GRIP2: variants seen among roughly 807,000 people sequenced by gnomAD.
GRIP2 encodes glutamate receptor interacting protein 2.
Under a neutral mutation model 108.3 loss-of-function variants are expected in GRIP2, and 58 were observed. That is an observed-to-expected ratio of 0.54 (90% confidence interval 0.43 to 0.67). GRIP2 has a LOEUF of 0.67. GRIP2 is among the 30% of genes least tolerant of loss of function. The pLI is 0.00. For synonymous variants in GRIP2, 586 were observed against 598.2 expected, an observed-to-expected ratio of 0.98 and a Z score of 0.30; for missense variants, 1,278 against 1,430.6, an observed-to-expected ratio of 0.89 and a Z score of 1.72.
At chr3:14,574,064 G>A in the GRIP2 span, 1 of 1,502,706 alleles carries the variant, frequency 6.7e-7, no homozygotes, top group African/African-American at 1.4e-5. Flanking sequence ...GCACGTACTT[G>A]ACGTTCTCGT....
the GRIP2 span, among the ~76,000 whole-genome samples, chr3:14,596,197 G>A: frequency 3.3e-5 from 5 of 152,234 alleles, no homozygotes; most frequent in African/African-American, 9.6e-5. Context: ...AAGGCTCTGA[G>A]GTAGGAAGGA....
At chr3:14,594,213 C>T in the GRIP2 span, among the ~76,000 whole-genome samples, 1 of 152,232 alleles carries the variant, frequency 6.6e-6, no homozygotes, top group Non-Finnish European at 1.5e-5. Flanking sequence ...CCCTATCCCT[C>T]TCCCAGGGTA....
At chr3:14,542,529 G>C (rs547530000), upstream of GRIP2, among the ~76,000 whole-genome samples, 1 of 150,364 alleles carries the variant, frequency 6.7e-6, no homozygotes, top group East Asian at 1.9e-4. Flanking sequence ...ATTTAAATGA[G>C]TGATTAAGAT....
chr3:14,532,549 C>T (rs571846656), intron 1 of GRIP2, among the ~76,000 whole-genome samples: 38 of 152,306 alleles, frequency 2.5e-4, no homozygotes, highest in Admixed American at 2.1e-3. Flanking sequence ...ACAAAAATGA[C>T]TCCAAACATT....
chr3:14,489,599 T>A lies in GRIP2; in HGVS notation c.*4066A>T, dbSNP rs576455853. On this transcript the variant is annotated 3_prime_UTR_variant, in exon 24 of 24. Coordinates refer to ENST00000621039, the MANE Select transcript of GRIP2 (RefSeq NM_001080423.4). ...TCTTGGCTCTACTGGCTCTACTGAT[T>A]CTACCTGCTACATGCCCAGCCCTGT... The A allele has an allele frequency of 2.0e-5, 3 of 152,218 alleles. No homozygotes were observed. The highest frequency in any genetic ancestry group is 4.4e-5 in the Non-Finnish European group (3 of 68,070). The allele number at this position is 152,218 out of a possible 1,614,324, so 9.4% of individuals were successfully genotyped here. A position where few individuals can be genotyped will look rare whatever the true frequency, so the allele number is the denominator to read the frequency against.
At chr3:14,537,555 T>G (rs548446442) in intron 1 of GRIP2, among the ~76,000 whole-genome samples, 1 of 152,238 alleles carries the variant, frequency 6.6e-6, no homozygotes, top group Admixed American at 6.5e-5. Context: ...ATTTACAGAT[T>G]AGGAGAATGA....
upstream of GRIP2, among the ~76,000 whole-genome samples, chr3:14,559,926 A>G (rs1695292976): frequency 6.6e-6 from 1 of 152,080 alleles, no homozygotes; most frequent in Non-Finnish European, 1.5e-5. Flanking sequence ...GGCTGGGGAG[A>G]ACTTGAGGCC....
Position 14,505,419 on chromosome 3 carries a change from C to T in GRIP2, c.2573+196G>A, listed in dbSNP as rs1693891797. Among the ~76,000 whole-genome samples, 1 of 152,168 alleles carries T rather than the reference C, an allele frequency of 6.6e-6. No homozygotes were observed. The highest frequency in any genetic ancestry group is 2.4e-5 in the African/African-American group (1 of 41,434). On this transcript the variant is annotated intron_variant, in intron 20 of 23. Transcript: ENST00000621039. The surrounding 1 kb of genome is among the most constrained non-coding windows in gnomAD (Gnocchi z 4.2). Reference sequence around the variant, plus strand: ...CTCTATACCTTCGTCCCTGCCGTGCCCTCCACCAGTCTGCCCTTCCCTCCG... The same window carrying T: ...CTCTATACCTTCGTCCCTGCCGTGCTCTCCACCAGTCTGCCCTTCCCTCCG...
chr3:14,554,883 T>C (rs1223270783), intron 1 of GRIP2, among the ~76,000 whole-genome samples: 1 of 152,180 alleles, frequency 6.6e-6, no homozygotes, highest in Admixed American at 6.5e-5. Flanking sequence ...GTGAATGTAC[T>C]GCTTGGCACA....
At chr3:14,572,822 G>C in the GRIP2 span, 1 of 912,648 alleles carries the variant, frequency 1.1e-6, no homozygotes, top group Non-Finnish European at 1.7e-6. Flanking sequence ...CTGCTGGAGC[G>C]CATGGTCCCT....
rs1380627138 is a variant in GRIP2 at position 14,514,335 on chromosome 3, GGGA to G, written c.1447_1449del (p.Ser483del). ...GGCTCGATGAAGCACACGAGGGGTG[GGGA>G]GGACAGGGTCTCGGTGGCGAAGATG... On this transcript the variant is annotated inframe_deletion, in exon 12 of 24. Coordinates refer to ENST00000621039, the MANE Select transcript of GRIP2 (RefSeq NM_001080423.4). 6.3e-7 allele frequency: 1 copy of G among 1,577,656 alleles called. No homozygotes were observed. Among genetic ancestry groups the G allele is most frequent in the Admixed American group, 1.8e-5 (1 of 54,198 alleles).
At chr3:14,599,784 C>A in the GRIP2 span, among the ~76,000 whole-genome samples, 1 of 151,066 alleles carries the variant, frequency 6.6e-6, no homozygotes, top group South Asian at 2.1e-4. Flanking sequence ...TCCTTAGCTT[C>A]AAGTTACCCC....
chr3:14,506,756 G>A, intron 19 of GRIP2, 45 bp downstream of exon 19: 1 of 1,509,960 alleles, frequency 6.6e-7, no homozygotes, highest in Non-Finnish European at 8.9e-7. Flanking sequence ...AGCAGGGGCG[G>A]CCTAGAGAGA....
At chr3:14,524,639 C>T (rs759076280) in intron 3 of GRIP2, 101 bp from the exon 4 acceptor site, 99 of 1,304,912 alleles carry the variant, frequency 7.6e-5, no homozygotes, top group Non-Finnish European at 1.0e-4. Flanking sequence ...ATCACTGGAT[C>T]CTCATTTCAC....
Position 14,505,879 on chromosome 3 carries a change from G to T in GRIP2, c.2399-90C>A. The T allele has an allele frequency of 1.6e-6, 2 of 1,282,742 alleles. No homozygotes were observed. The highest frequency in any genetic ancestry group is 2.1e-6 in the Non-Finnish European group (2 of 956,798). 79.5% of individuals were successfully genotyped at this position (1,282,742 alleles called of 1,614,324 possible). Reference sequence around the variant, plus strand: ...TTCCAGCTGTGCTGAGTGACCCTGGGGAGGTCGTTGCTCCTCTCTGGGCCT... The same window carrying T: ...TTCCAGCTGTGCTGAGTGACCCTGGTGAGGTCGTTGCTCCTCTCTGGGCCT... On this transcript the variant is annotated intron_variant, in intron 19 of 23. Transcript: ENST00000621039. This position sits in a 1 kb window ranked among gnomAD's most constrained non-coding sequence, Gnocchi z 4.2.
At chr3:14,585,374 A>G in the GRIP2 span, among the ~76,000 whole-genome samples, 1 of 152,232 alleles carries the variant, frequency 6.6e-6, no homozygotes, top group African/African-American at 2.4e-5. Context: ...TTGATTTAAT[A>G]TATTTGAACC....
the GRIP2 span, chr3:14,573,718 G>T: frequency 1.4e-6 from 2 of 1,424,314 alleles, no homozygotes; most frequent in Non-Finnish European, 2.0e-6. Flanking sequence ...ATGTCTTCTG[G>T]CCACTCACGG....
intron 22 of GRIP2, 59 bp downstream of exon 22, chr3:14,496,358 C>T (rs1297906885): frequency 7.5e-6 from 11 of 1,459,944 alleles, no homozygotes; most frequent in African/African-American, 5.6e-5. Context: ...AGTCCCACGA[C>T]AGTGCTCATG....
chr3:14,514,313 TCG>T lies in GRIP2; in HGVS notation c.1470_1471del (p.Glu491AlafsTer2). On this transcript the variant is annotated frameshift_variant, in exon 12 of 24. Coordinates refer to ENST00000621039, the MANE Select transcript of GRIP2 (RefSeq NM_001080423.4). LOFTEE classifies it high-confidence loss of function. ...TCACCTCTCAGCCGGACTGTCAGGC[TCG>T]ATGAAGCACACGAGGGGTGGGGAGG... The T allele has an allele frequency of 6.4e-7, 1 of 1,567,902 alleles. No homozygotes were observed. The highest frequency in any genetic ancestry group is 2.4e-5 in the East Asian group (1 of 42,176).
Sources: gnomAD v4.1 joint callset for allele counts (sites outside exome capture counted in the v4.1 genomes callset) on GRCh38, gnomAD v4.1.1 for gene constraint, Gnocchi (gnomAD v3.1) non-coding constraint, MANE v1.5 for transcripts, NCBI Gene and HGNC (gene_info 2026-07-23, HGNC 2026-07-21) for gene names.